Variants in VCL observed in about 807,000 individuals in gnomAD.
VCL encodes vinculin.
VCL carries 47 observed loss-of-function variants against 125.7 expected under a neutral mutation model. The observed-to-expected ratio is 0.37, with a 90% CI of 0.30 to 0.48. The LOEUF (loss-of-function observed/expected upper bound fraction) is 0.48. VCL is among the 20% of genes least tolerant of loss of function. The probability of loss-of-function intolerance (pLI) is 0.99; values close to 1 mark genes in which losing one functional copy is unlikely to be tolerated. For missense variants in VCL, 1,069 were observed against 1,455.5 expected, an observed-to-expected ratio of 0.73 and a Z score of 4.32; for synonymous variants, 458 against 514.6, an observed-to-expected ratio of 0.89 and a Z score of 1.49.
Position 74,114,875 on chromosome 10 carries a change from C to T in VCL, c.3234C>T (p.Asn1078=). The change falls in exon 21 of 22, where the codon AAC becomes AAT. Residue 1078 remains asparagine, a synonymous_variant. Transcript: ENST00000211998. ...AGGCCACCATGCTGGGCCGGACCAA[C>T]ATCAGTGATGAGGAGTCTGAGCAGG... ...TVKATMLGRT[N]ISDEESEQAT... The T allele has an allele frequency of 6.2e-7, 1 of 1,600,866 alleles. No homozygotes were observed.
At chr10:74,102,048 G>A (rs986857882) in intron 14 of VCL, among the ~76,000 whole-genome samples, 31 of 150,790 alleles carry the variant, frequency 2.1e-4, no homozygotes, top group Admixed American at 5.9e-4. Context: ...CTATTTTTTA[G>A]TAGAGACAGG....
chr10:74,063,095 A>T (rs7921019), intron 2 of VCL, among the ~76,000 whole-genome samples: 9,568 of 151,406 alleles, frequency 0.063, 1,042 homozygotes, highest in African/African-American at 0.22. Flanking sequence ...GGTCTCCCTG[A>T]GTTGCCCAGG....
At position 74,070,741 on chromosome 10, in the gene VCL, C is replaced by T; in HGVS notation, c.311C>T (p.Ala104Val). Residue 104 changes from alanine (A) to valine (V), a missense_variant, in exon 3 of 22, where the codon GCT becomes GTT. Around this residue, in one of 6 missense-constraint regions of VCL, gnomAD observed 96 missense variants for 137.6 expected, o/e 0.70. Coordinates refer to ENST00000211998, the MANE Select transcript of VCL (RefSeq NM_014000.3). ...CAGTCAGACCCTTACTCAGTGCCTG[C>T]TCGAGATTATCTAATTGATGGGTCA... ...MLQSDPYSVP[A>V]RDYLIDGSRG... The T allele has an allele frequency of 6.2e-7, 1 of 1,614,140 alleles. No individual in the cohort carries two copies. The highest frequency in any genetic ancestry group is 8.5e-7 in the Non-Finnish European group (1 of 1,180,022).
At chr10:74,079,857 A>G (rs1217899563) in intron 6 of VCL, among the ~76,000 whole-genome samples, 1 of 152,224 alleles carries the variant, frequency 6.6e-6, no homozygotes, top group Non-Finnish European at 1.5e-5. Context: ...GTCTAAAATT[A>G]ATGCTGTTAA....
chr10:73,998,155 C>G lies in VCL; in HGVS notation c.-53C>G. On this transcript the variant is annotated 5_prime_UTR_variant, in exon 1 of 22. Transcript: ENST00000211998. ...CTGTCTCTTCGCCGGTTCCCGGCCC[C>G]GTGGATCCTACTTCTCTGTCGCCCG... 2 of 1,593,008 alleles carry G rather than the reference C, an allele frequency of 1.3e-6. No homozygotes were observed. Among genetic ancestry groups the G allele is most frequent in the Non-Finnish European group, 1.7e-6 (2 of 1,170,042 alleles).
chr10:74,032,485 G>T (rs796529862), intron 1 of VCL, among the ~76,000 whole-genome samples: 5 of 151,934 alleles, frequency 3.3e-5, no homozygotes, highest in African/African-American at 1.2e-4. Flanking sequence ...ATTACCTGAG[G>T]TCAGGAGTTT....
rs1841642740 is a variant in VCL at position 74,070,201 on chromosome 10, G to A, written c.240-469G>A. On this transcript the variant is annotated intron_variant, in intron 2 of 21. Coordinates refer to ENST00000211998, the MANE Select transcript of VCL (RefSeq NM_014000.3). ...TTTGGCATTTTATTTCCAGATGTTA[G>A]ATCTGAAAATGATCTAACATTTCAG... is the stretch of plus-strand genomic sequence containing the variant. Among the ~76,000 whole-genome samples the A allele has an allele frequency of 4.6e-5, 7 of 151,908 alleles. 1 individual carries two copies. Among genetic ancestry groups the A allele is most frequent in the Admixed American group, 4.6e-4 (7 of 15,236 alleles).
chr10:74,027,936 A>G (rs1840805472), intron 1 of VCL: 1 of 152,208 alleles, frequency 6.6e-6, no homozygotes, highest in African/African-American at 2.4e-5. Flanking sequence ...ACAAATTTGC[A>G]AAAGAATTTG....
chr10:74,011,747 T>A (rs1014583517), intron 1 of VCL, among the ~76,000 whole-genome samples: 6 of 152,212 alleles, frequency 3.9e-5, no homozygotes, highest in African/African-American at 1.4e-4. Context: ...TTATATTGTG[T>A]TGGGTACATA....
rs1345883051 is a variant in VCL, at chr10:74,090,228, C to G, written c.1352+30C>G. On this transcript the variant is annotated intron_variant, in intron 10 of 21. Transcript: ENST00000211998. ...GTATTTAACCCTTACATTGCCTTTT[C>G]ATATCTTTTCTTCTCTTTCTCTCTC... 3 of 1,611,658 alleles carry G rather than the reference C, an allele frequency of 1.9e-6. No homozygotes were observed. The East Asian group carries it at 6.7e-5, about 36-fold the overall frequency.
At chr10:74,032,242 A>T (rs1444991133) in intron 1 of VCL, among the ~76,000 whole-genome samples, 1 of 144,898 alleles carries the variant, frequency 6.9e-6, no homozygotes, top group Non-Finnish European at 1.5e-5. Context: ...TTTCAGAATA[A>T]AAAAAAAAAA....
chr10:74,003,457 A>G (rs1398833247), intron 1 of VCL, among the ~76,000 whole-genome samples: 1 of 152,200 alleles, frequency 6.6e-6, no homozygotes, highest in Non-Finnish European at 1.5e-5. Flanking sequence ...AAAATGGCCC[A>G]TAGAAATGTG....
At position 73,998,392 on chromosome 10, in the gene VCL, T is replaced by TGGCGCGGGAGCG. The variant is rs1029592759; in HGVS notation, c.168+28_168+39dup. On this transcript the variant is annotated intron_variant, in intron 1 of 21. Transcript: ENST00000211998. Reference sequence around the variant, plus strand: ...CTCGTCCGGGTGAGCGCGCAGGGCCTGGCGCGGGAGCGGGCGCGGGAGGTA... The same window carrying TGGCGCGGGAGCG: ...CTCGTCCGGGTGAGCGCGCAGGGCCTGGCGCGGGAGCGGGCGCGGGAGCGGGCGCGGGAGGTA... 1.4e-6 allele frequency: 2 copies of TGGCGCGGGAGCG among 1,471,022 alleles called. No homozygotes were observed. The highest frequency in any genetic ancestry group is 2.8e-5 in the East Asian group (1 of 35,142). The allele number at this position is 1,471,022 out of a possible 1,614,324, so 91.1% of individuals were successfully genotyped here. A position where few individuals can be genotyped will look rare whatever the true frequency, so the allele number is the denominator to read the frequency against.
intron 2 of VCL, among the ~76,000 whole-genome samples, chr10:74,065,552 A>AT (rs1337552748): frequency 1.3e-5 from 2 of 152,056 alleles, no homozygotes; most frequent in African/African-American, 4.8e-5. Context: ...TTAGCTGGGT[A>AT]TGATGGTCTG....
At chr10:74,047,834 T>C (rs948221613) in intron 2 of VCL, among the ~76,000 whole-genome samples, 5 of 152,344 alleles carry the variant, frequency 3.3e-5, no homozygotes, top group Middle Eastern at 3.4e-3. Flanking sequence ...GTTTAATACA[T>C]TTAAAATGAT....
intron 16 of VCL, among the ~76,000 whole-genome samples, chr10:74,106,172 T>C (rs914376828): frequency 6.6e-6 from 1 of 152,080 alleles, no homozygotes; most frequent in Non-Finnish European, 1.5e-5. Context: ...TCCACCCGCC[T>C]TGGCCTCCCA....
In VCL at chr10:74,111,970, C is replaced by T. The variant is rs754681045; in HGVS notation, c.2807C>T (p.Ala936Val). 6.2e-5 allele frequency: 100 copies of T among 1,614,082 alleles called. No individual in the cohort carries two copies. The highest frequency in any genetic ancestry group is 8.4e-5 in the Non-Finnish European group (99 of 1,180,042). Residue 936 changes from alanine to valine, a missense_variant, in exon 19 of 22, where the codon GCT (alanine) becomes GTT (valine). By Grantham distance (64) the Ala-to-Val change is moderately conservative (BLOSUM62 0). This residue lies in a region of VCL where 86 missense variants were observed against 91.0 expected (regional missense o/e 0.95). Coordinates refer to ENST00000211998, the MANE Select transcript of VCL (RefSeq NM_014000.3). The stretch of plus-strand genomic sequence containing the variant: ...GTAGCTGAGGCAGATGCGGCCGATG[C>T]TGCTGGCTTCCCTGTCCCCCCTGAC... ...GVVAEADAAD[A>V]AGFPVPPDME... is the part of the protein sequence containing the mutation.
intron 6 of VCL, among the ~76,000 whole-genome samples, chr10:74,078,089 C>T (rs1472109628): frequency 6.6e-6 from 1 of 151,830 alleles, no homozygotes; most frequent in Non-Finnish European, 1.5e-5. Flanking sequence ...ATTTATATTA[C>T]TTGTATCTTG....
intron 1 of VCL, among the ~76,000 whole-genome samples, chr10:74,037,186 C>G (rs1289505765): frequency 6.6e-6 from 1 of 152,106 alleles, no homozygotes; most frequent in Non-Finnish European, 1.5e-5. Flanking sequence ...TACCCACTTA[C>G]GCCTGGGATT....
Sources: allele counts gnomAD v4.1 joint callset (sites outside exome capture counted in the v4.1 genomes callset), GRCh38; gene constraint gnomAD v4.1.1; regional missense constraint gnomAD v4.1.1; transcripts MANE v1.5; gene names NCBI Gene and HGNC (gene_info 2026-07-23, HGNC 2026-07-21).